PPP1R9A: variants seen among roughly 807,000 people sequenced by gnomAD.
PPP1R9A encodes the protein protein phosphatase 1 regulatory subunit 9A.
PPP1R9A carries 59 observed loss-of-function variants against 141.9 expected under a neutral mutation model. The observed-to-expected ratio is 0.42, with a 90% CI of 0.34 to 0.52. The LOEUF is 0.52. Among genes scored for constraint, PPP1R9A ranks in the 20% least tolerant of loss-of-function variants. PPP1R9A has a pLI of 0.10. For synonymous variants in PPP1R9A, 500 were observed against 569.7 expected, an observed-to-expected ratio of 0.88 and a Z score of 1.74; for missense variants, 1,444 against 1,611.9, an observed-to-expected ratio of 0.90 and a Z score of 1.78.
intron 2 of PPP1R9A, among the ~76,000 whole-genome samples, chr7:95,032,686 A>G (rs1807855912): frequency 6.6e-6 from 1 of 152,194 alleles, no homozygotes; most frequent in Non-Finnish European, 1.5e-5. Flanking sequence ...ATTTTGGGCT[A>G]TATAGCCTGT....
At chr7:95,047,907 C>G (rs1810256022) in intron 2 of PPP1R9A, among the ~76,000 whole-genome samples, 1 of 152,106 alleles carries the variant, frequency 6.6e-6, no homozygotes, top group African/African-American at 2.4e-5. Flanking sequence ...AGTATAAAAA[C>G]ATGCTGGTTA....
intron 8 of PPP1R9A, among the ~76,000 whole-genome samples, chr7:95,242,304 A>G (rs186376514): frequency 2.0e-5 from 3 of 152,328 alleles, no homozygotes; most frequent in East Asian, 1.9e-4. Flanking sequence ...ATAAAGTTCT[A>G]TGCAAATATT....
At chr7:94,935,435 C>T (rs1341333871) in intron 2 of PPP1R9A, among the ~76,000 whole-genome samples, 1 of 152,170 alleles carries the variant, frequency 6.6e-6, no homozygotes. Context: ...TGGGAAACTT[C>T]ATACCATGCC....
chr7:94,970,334 G>A (rs1202286168), intron 2 of PPP1R9A, among the ~76,000 whole-genome samples: 1 of 152,158 alleles, frequency 6.6e-6, no homozygotes, highest in Non-Finnish European at 1.5e-5. Flanking sequence ...GAAAAGTATA[G>A]TATCTGGGCT....
chr7:95,044,572 T>C (rs1290338803), intron 2 of PPP1R9A, among the ~76,000 whole-genome samples: 1 of 147,854 alleles, frequency 6.8e-6, no homozygotes, highest in African/African-American at 2.5e-5. Flanking sequence ...TTTGAGACAG[T>C]CTTGCTCTGT....
At chr7:95,102,085 G>C (rs1818870264) in intron 2 of PPP1R9A, among the ~76,000 whole-genome samples, 1 of 152,180 alleles carries the variant, frequency 6.6e-6, no homozygotes, top group Admixed American at 6.5e-5. Context: ...GAGGGCAGTA[G>C]ACTAAGTGTT....
intron 2 of PPP1R9A, among the ~76,000 whole-genome samples, chr7:95,041,213 T>C (rs1472033500): frequency 6.6e-6 from 1 of 152,168 alleles, no homozygotes; most frequent in Admixed American, 6.5e-5. Flanking sequence ...TATGAGGTTA[T>C]GACATACATT....
rs114694395 is a variant in PPP1R9A, at chr7:95,255,190, T to C, written c.2665+3060T>C. ...TGCCTAAATAATGCCAGGATTAGGA[T>C]AAAAACAGAGAATAGGTATGTTAGA... is the stretch of plus-strand genomic sequence containing the variant. On this transcript the variant is annotated intron_variant, in intron 12 of 19. Transcript: ENST00000433360. Among the ~76,000 whole-genome samples the C allele has an allele frequency of 8.7e-3, 1,319 of 152,204 alleles. 15 individuals carry two copies. The highest frequency in any genetic ancestry group is 0.031 in the African/African-American group (1,269 of 41,532).
At chr7:95,025,844 C>G (rs918308700) in intron 2 of PPP1R9A, among the ~76,000 whole-genome samples, 9 of 151,878 alleles carry the variant, frequency 5.9e-5, no homozygotes, top group Non-Finnish European at 1.2e-4. Flanking sequence ...TCTTGATACC[C>G]TTTCTTCAGT....
intron 4 of PPP1R9A, chr7:95,155,656 A>C (rs1829493063): frequency 6.6e-6 from 1 of 152,246 alleles, no homozygotes; most frequent in Admixed American, 6.5e-5. Context: ...AAAGAATTTA[A>C]ATGGTGACTT....
rs183773427 is a variant in PPP1R9A, at chr7:95,170,004, A to G, written c.1754+8033A>G. Among the ~76,000 whole-genome samples, 483 of 150,700 alleles carry G rather than the reference A, an allele frequency of 3.2e-3. 1 individual carries two copies. Among genetic ancestry groups the G allele is most frequent in the Non-Finnish European group, 4.3e-3 (287 of 66,970 alleles). ...TTAGATTTCAAAAATACAATAAGGT[A>G]GCAAAAGGGCTGAGTATGATAAGTA... On this transcript the variant is annotated intron_variant, in intron 5 of 19. Coordinates refer to ENST00000433360, the MANE Select transcript of PPP1R9A (RefSeq NM_001166160.2).
intron 2 of PPP1R9A, among the ~76,000 whole-genome samples, chr7:94,945,394 A>G (rs143370362): frequency 3.2e-4 from 48 of 152,202 alleles, no homozygotes; most frequent in African/African-American, 9.9e-4. Context: ...CTTGGAGAAA[A>G]AAGATTTCAT....
At chr7:95,117,393 G>A (rs749943897) in intron 3 of PPP1R9A, among the ~76,000 whole-genome samples, 25 of 152,062 alleles carry the variant, frequency 1.6e-4, no homozygotes, top group Non-Finnish European at 3.1e-4. Flanking sequence ...GTCTCTGTGC[G>A]TTGATTGTGC....
chr7:95,108,418 C>T, intron 2 of PPP1R9A, among the ~76,000 whole-genome samples: 1 of 136,460 alleles, frequency 7.3e-6, no homozygotes, highest in East Asian at 2.4e-4. Context: ...TCATGCCATT[C>T]TCCTGCTTCA....
At position 94,910,257 on chromosome 7, in the gene PPP1R9A, T is replaced by C. The variant is rs979013758; in HGVS notation, c.144T>C (p.Gly48=). ...ATGGGGAACAAAAAACAAAAGAAGG[T>C]GAGGGCTCCCAGCAGAGCAGGGGGA... ...KSDGEQKTKE[G]EGSQQSRGRK... is the part of the protein sequence containing the mutation. Residue 48 remains glycine, a synonymous_variant, in exon 2 of 20, where the codon GGT becomes GGC. Transcript: ENST00000433360. This position sits in a 1 kb window ranked among gnomAD's most constrained non-coding sequence, Gnocchi z 4.5. The C allele has an allele frequency of 5.0e-6, 8 of 1,613,640 alleles. No homozygotes were observed. Among genetic ancestry groups the C allele is most frequent in the Non-Finnish European group, 6.8e-6 (8 of 1,179,942 alleles).
chr7:95,020,443 A>G (rs1805779219), intron 2 of PPP1R9A, among the ~76,000 whole-genome samples: 1 of 152,142 alleles, frequency 6.6e-6, no homozygotes, highest in South Asian at 2.1e-4. Context: ...GAAAAGAGCT[A>G]CATTTTTGTT....
At chr7:95,022,773 G>A (rs529383068) in intron 2 of PPP1R9A, among the ~76,000 whole-genome samples, 1 of 152,172 alleles carries the variant, frequency 6.6e-6, no homozygotes, top group South Asian at 2.1e-4. Context: ...TTATGTGATG[G>A]ATTACATTTA....
At chr7:95,022,140 A>C (rs1456733769) in intron 2 of PPP1R9A, among the ~76,000 whole-genome samples, 3 of 152,036 alleles carry the variant, frequency 2.0e-5, no homozygotes, top group Non-Finnish European at 4.4e-5. Flanking sequence ...GTCCTCTCTT[A>C]TTTCCTTGAG....
chr7:95,188,253 T>G (rs141315385), intron 5 of PPP1R9A, among the ~76,000 whole-genome samples: 2 of 152,356 alleles, frequency 1.3e-5, no homozygotes, highest in African/African-American at 4.8e-5. Flanking sequence ...TTGTCTTTTT[T>G]AACTGTTGTT....
Sources: gnomAD v4.1 joint callset for allele counts (sites outside exome capture counted in the v4.1 genomes callset) on GRCh38, gnomAD v4.1.1 for gene constraint, Gnocchi (gnomAD v3.1) non-coding constraint, MANE v1.5 for transcripts, NCBI Gene and HGNC (gene_info 2026-07-23, HGNC 2026-07-21) for gene names.